Variants in ADAMTS19 observed in about 807,000 individuals in gnomAD.
ADAMTS19 encodes ADAM metallopeptidase with thrombospondin type 1 motif 19.
Under a neutral mutation model 153.3 loss-of-function variants are expected in ADAMTS19, and 93 were observed. The observed-to-expected ratio is 0.61, with a 90% CI of 0.51 to 0.72. The LOEUF (loss-of-function observed/expected upper bound fraction) is 0.72, where lower values mean the gene tolerates loss of function less well. ADAMTS19 is among the 30% of genes least tolerant of loss of function. The pLI is 0.00. For missense variants in ADAMTS19, 1,482 were observed against 1,552.1 expected, an observed-to-expected ratio of 0.95 and a Z score of 0.76; for synonymous variants, 600 against 556.6, an observed-to-expected ratio of 1.08 and a Z score of -1.10.
At chr5:129,565,575 T>C (rs1300215897) in intron 7 of ADAMTS19, among the ~76,000 whole-genome samples, 22 of 152,206 alleles carry the variant, frequency 1.4e-4, no homozygotes, top group Admixed American at 1.4e-3. Flanking sequence ...TGCTAGATGC[T>C]AGAAATAGAG....
intron 19 of ADAMTS19, among the ~76,000 whole-genome samples, chr5:129,701,124 A>T (rs1356385420): frequency 6.6e-6 from 1 of 150,558 alleles, no homozygotes; most frequent in East Asian, 2.0e-4. Flanking sequence ...CTCTCATGAG[A>T]TCTGATGGCT....
At chr5:129,700,156 T>G (rs1755765625) in intron 19 of ADAMTS19, among the ~76,000 whole-genome samples, 1 of 152,214 alleles carries the variant, frequency 6.6e-6, no homozygotes, top group Admixed American at 6.5e-5. Flanking sequence ...TAGGTTTTAG[T>G]TCTTTCCTAA....
intron 8 of ADAMTS19, among the ~76,000 whole-genome samples, chr5:129,605,368 G>T (rs1229738234): frequency 6.6e-6 from 1 of 152,064 alleles, no homozygotes; most frequent in Admixed American, 6.6e-5. Flanking sequence ...TTGCCTCTTT[G>T]TTGAAACTCA....
At position 129,460,323 on chromosome 5, in the gene ADAMTS19, G is replaced by T; in HGVS notation, c.-69G>T. ...GGCCTCCTAGCGCTCCGGGGAGGCC[G>T]CTGCGCCCCGGAGTGGATCGCGCTG... On this transcript the variant is annotated 5_prime_UTR_variant, in exon 1 of 23. Coordinates refer to ENST00000274487, the MANE Select transcript of ADAMTS19 (RefSeq NM_133638.6). The T allele has an allele frequency of 1.6e-6, 2 of 1,241,760 alleles. No individual in the cohort carries two copies. The highest frequency in any genetic ancestry group is 1.9e-5 in the Admixed American group (1 of 51,622). The allele number at this position is 1,241,760 out of a possible 1,614,324, so 76.9% of individuals were successfully genotyped here. A position where few individuals can be genotyped will look rare whatever the true frequency, so the allele number is the denominator to read the frequency against.
At chr5:129,707,979 G>C (rs1756245802) in intron 21 of ADAMTS19, among the ~76,000 whole-genome samples, 1 of 152,180 alleles carries the variant, frequency 6.6e-6, no homozygotes, top group Non-Finnish European at 1.5e-5. Flanking sequence ...GGCAAAGGTA[G>C]TATTGACTAA....
chr5:129,554,093 T>C lies in ADAMTS19; in HGVS notation c.1372+2186T>C, dbSNP rs576874289. On this transcript the variant is annotated intron_variant, in intron 7 of 22. Transcript: ENST00000274487. The stretch of plus-strand genomic sequence containing the variant: ...GGTATTAAAGGTAATCTAGAGATGA[T>C]TCGAAGTATAGGAGAGGATGTGCAT... 3.9e-5 allele frequency among the ~76,000 whole-genome samples: 6 copies of C among 152,254 alleles called. No individual in the cohort carries two copies. In the South Asian group the frequency reaches 1.2e-3, roughly 32 times the overall value.
At position 129,679,863 on chromosome 5, in the gene ADAMTS19, G is replaced by A. The variant is rs201713825; in HGVS notation, c.2606G>A (p.Arg869Gln). ...LAGTTVHYVR[R>Q]GLWEKISAKG... ...GGAACTACCGTTCATTATGTAAGAC[G>A]AGGCCTCTGGGAGAAGATCTCTGCC... is the stretch of plus-strand genomic sequence containing the variant. Residue 869 changes from arginine (R) to glutamine (Q), a missense_variant, in exon 17 of 23, where the codon CGA becomes CAA. Physicochemically the swap from Arg to Gln is conservative, Grantham distance 43. Transcript: ENST00000274487. 59 of 1,613,932 alleles carry A rather than the reference G, an allele frequency of 3.7e-5. No individual in the cohort carries two copies. Among genetic ancestry groups the A allele is most frequent in the Middle Eastern group, 1.6e-4 (1 of 6,078 alleles).
intron 2 of ADAMTS19, among the ~76,000 whole-genome samples, chr5:129,479,457 A>C (rs1423653532): frequency 1.3e-5 from 2 of 152,184 alleles, no homozygotes; most frequent in Non-Finnish European, 2.9e-5. Context: ...CAATATCATC[A>C]GTACTTCTAG....
chr5:129,601,856 C>T (rs567912156), intron 8 of ADAMTS19, among the ~76,000 whole-genome samples: 1 of 152,238 alleles, frequency 6.6e-6, no homozygotes, highest in East Asian at 1.9e-4. Context: ...GTCTCCATTC[C>T]CTCCTGAGGT....
At chr5:129,659,945 GT>G (rs1037948109) in intron 15 of ADAMTS19, among the ~76,000 whole-genome samples, 5 of 151,970 alleles carry the variant, frequency 3.3e-5, no homozygotes, top group African/African-American at 9.7e-5. Context: ...CATTTTCCTA[GT>G]TTAAATTTCT....
rs75984171 is a variant in ADAMTS19, at chr5:129,470,481, C to T, written c.747+8724C>T. Among the ~76,000 whole-genome samples, 932 of 152,244 alleles carry T rather than the reference C, an allele frequency of 6.1e-3. 8 individuals are homozygous for T. Among genetic ancestry groups the T allele is most frequent in the African/African-American group, 0.021 (882 of 41,538 alleles). ...AAGATTCTCTTAGCAAAGTGAGAAC[C>T]ATAATTTGATGCAGAGTGCATTTAG... On this transcript the variant is annotated intron_variant, in intron 2 of 22. Coordinates refer to ENST00000274487, the MANE Select transcript of ADAMTS19 (RefSeq NM_133638.6).
intron 6 of ADAMTS19, among the ~76,000 whole-genome samples, chr5:129,540,743 T>G (rs1274439805): frequency 5.3e-5 from 8 of 152,110 alleles, no homozygotes; most frequent in Admixed American, 4.6e-4. Context: ...AGACTTATTC[T>G]CAGATGCATC....
chr5:129,737,305 A>T lies in ADAMTS19; in HGVS notation c.*87A>T. On this transcript the variant is annotated 3_prime_UTR_variant, in exon 23 of 23. Transcript: ENST00000274487. ...TAGCATGTTTTTCAGACCAAATATT[A>T]TCAGATTACATATAATTTAATCAAA... 8.1e-7 allele frequency: 1 copy of T among 1,238,820 alleles called. No homozygotes were observed. 76.7% of individuals were successfully genotyped at this position (1,238,820 alleles called of 1,614,324 possible).
intron 6 of ADAMTS19, among the ~76,000 whole-genome samples, chr5:129,539,645 A>C (rs1160531177): frequency 6.6e-6 from 1 of 152,138 alleles, no homozygotes; most frequent in Non-Finnish European, 1.5e-5. Flanking sequence ...TAATTTATTC[A>C]ACTACTTATC....
intron 8 of ADAMTS19, among the ~76,000 whole-genome samples, chr5:129,600,310 T>A (rs1750587525): frequency 6.6e-6 from 1 of 152,160 alleles, no homozygotes; most frequent in African/African-American, 2.4e-5. Context: ...TTTTTCTTTT[T>A]CGTTTTGGAT....
intron 2 of ADAMTS19, among the ~76,000 whole-genome samples, chr5:129,508,772 A>G (rs1388530322): frequency 1.3e-5 from 2 of 152,002 alleles, no homozygotes; most frequent in African/African-American, 4.8e-5. Context: ...AAGTGACCCC[A>G]TGGGTCTCCC....
At chr5:129,464,120 GA>G (rs572477115) in intron 2 of ADAMTS19, among the ~76,000 whole-genome samples, 68 of 152,304 alleles carry the variant, frequency 4.5e-4, no homozygotes, top group African/African-American at 1.5e-3. Flanking sequence ...GTGCAGGCAT[GA>G]AAATGCAGGA....
Position 129,625,293 on chromosome 5 carries a change from A to G in ADAMTS19, c.1770+2945A>G, listed in dbSNP as rs143360295. ...GCTATTGTGAATAGTGCCACAATAA[A>G]CATATGTGTGCATGTGTCTTTATAG... is the stretch of plus-strand genomic sequence containing the variant. On this transcript the variant is annotated intron_variant, in intron 10 of 22. Coordinates refer to ENST00000274487, the MANE Select transcript of ADAMTS19 (RefSeq NM_133638.6). Among the ~76,000 whole-genome samples the G allele has an allele frequency of 4.8e-3, 728 of 152,312 alleles. 8 individuals are homozygous for G. The highest frequency in any genetic ancestry group is 0.016 in the African/African-American group (675 of 41,572).
chr5:129,662,861 A>T (rs1561635176), intron 15 of ADAMTS19, among the ~76,000 whole-genome samples: 1 of 141,238 alleles, frequency 7.1e-6, no homozygotes, highest in Admixed American at 7.1e-5. Context: ...AACAGATGAG[A>T]TCTCCTCCTT....
Sources: allele counts gnomAD v4.1 joint callset (sites outside exome capture counted in the v4.1 genomes callset), GRCh38; gene constraint gnomAD v4.1.1; transcripts MANE v1.5; gene names NCBI Gene and HGNC (gene_info 2026-07-23, HGNC 2026-07-21).